The following PCSK5 variants were observed in gnomAD, a reference collection of about 807,000 sequenced individuals.
PCSK5 encodes prohormone convertase 5.
PCSK5 carries 129 observed loss-of-function variants against 233.2 expected under a neutral mutation model. The ratio of observed to expected loss-of-function variants is 0.55; its 90% CI spans 0.48 to 0.64. The LOEUF is 0.64. Among genes scored for constraint, PCSK5 ranks in the 30% least tolerant of loss-of-function variants. The probability of loss-of-function intolerance (pLI) is 0.00; values close to 1 mark genes in which losing one functional copy is unlikely to be tolerated. For synonymous variants in PCSK5, 825 were observed against 879.2 expected, an observed-to-expected ratio of 0.94 and a Z score of 1.09; for missense variants, 2,076 against 2,430.1, an observed-to-expected ratio of 0.85 and a Z score of 3.06.
intron 12 of PCSK5, 94 bp from the exon 13 acceptor site, chr9:76,169,610 C>A: frequency 8.2e-7 from 1 of 1,225,956 alleles, no homozygotes; most frequent in Non-Finnish European, 1.2e-6. Context: ...GCTGAACTTG[C>A]TAATGGATAC....
chr9:76,193,479 T>TCTTTCTCTCTCTCTCAAGTTTGTGCA lies in PCSK5; in HGVS notation c.2626+3734_2626+3759dup, dbSNP rs1218053044. On this transcript the variant is annotated intron_variant, in intron 20 of 37. Coordinates refer to ENST00000674117, the MANE Select transcript of PCSK5 (RefSeq NM_001372043.1). ...TCTCTTTCTTTTCTTGCTCTCTTTT[T>TCTTTCTCTCTCTCTCAAGTTTGTGCA]CTTTCTCTCTCTCTCAAGTTTGTGC... 5.9e-5 allele frequency: 41 copies of TCTTTCTCTCTCTCTCAAGTTTGTGCA among 694,568 alleles called. 1 individual carries two copies. Among genetic ancestry groups the TCTTTCTCTCTCTCTCAAGTTTGTGCA allele is most frequent in the South Asian group, 7.1e-5 (3 of 42,430 alleles). 43.0% of individuals were successfully genotyped at this position (694,568 alleles called of 1,614,324 possible). A position where few individuals can be genotyped will look rare whatever the true frequency, so the allele number is the denominator to read the frequency against.
In PCSK5 at chr9:76,070,032, G is replaced by A. The variant is rs953549254; in HGVS notation, c.722-1694G>A. On this transcript the variant is annotated intron_variant, in intron 6 of 37. Coordinates refer to ENST00000674117, the MANE Select transcript of PCSK5 (RefSeq NM_001372043.1). ...TTTTTTTTTTTTTAGACGGAGTCTC[G>A]CTCTGTCACCCAGGCTGGAGTGCAG... Among the ~76,000 whole-genome samples the A allele has an allele frequency of 1.0e-4, 13 of 128,420 alleles. 1 individual carries two copies. The highest frequency in any genetic ancestry group is 5.7e-3 in the Middle Eastern group (1 of 174). 84.2% of individuals were successfully genotyped at this position (128,420 alleles called of 152,430 possible).
intron 9 of PCSK5, among the ~76,000 whole-genome samples, chr9:76,126,754 G>A (rs536688345): frequency 6.6e-6 from 1 of 152,298 alleles, no homozygotes; most frequent in Admixed American, 6.5e-5. Flanking sequence ...TGGATGTCGA[G>A]TGTGGGATGA....
intron 14 of PCSK5, among the ~76,000 whole-genome samples, chr9:76,178,921 T>G (rs187848630): frequency 1.1e-3 from 174 of 152,320 alleles, no homozygotes; most frequent in Non-Finnish European, 3.7e-4. Context: ...CCAAAGAATA[T>G]GTAGTAAGAG....
chr9:75,919,970 C>T (rs1823175621), intron 1 of PCSK5, among the ~76,000 whole-genome samples: 1 of 152,134 alleles, frequency 6.6e-6, no homozygotes, highest in South Asian at 2.1e-4. Context: ...GAGTTCGAGA[C>T]CAACCTGGCC....
intron 24 of PCSK5, among the ~76,000 whole-genome samples, chr9:76,279,259 T>A (rs2131384661): frequency 6.6e-6 from 1 of 150,874 alleles, no homozygotes; most frequent in Middle Eastern, 3.4e-3. Flanking sequence ...TTTTTATGGC[T>A]GCATAGTATT....
At chr9:76,118,924 G>T (rs1236883910) in intron 9 of PCSK5, among the ~76,000 whole-genome samples, 2 of 151,864 alleles carry the variant, frequency 1.3e-5, no homozygotes, top group Admixed American at 6.6e-5. Flanking sequence ...TCTGCATTTT[G>T]CTTTCCTTTC....
intron 1 of PCSK5, among the ~76,000 whole-genome samples, chr9:75,901,935 G>T (rs1826054618): frequency 6.6e-6 from 1 of 152,134 alleles, no homozygotes; most frequent in South Asian, 2.1e-4. Context: ...GACAAAACAG[G>T]CTGGGCGTGG....
rs548704734 is a variant in PCSK5, at chr9:76,041,565, G to A, written c.632+14528G>A. ...AATGTATGTAAAGAATTTATGGCCA[G>A]GTGCGGTGGCTCACACCTGTAATTC... On this transcript the variant is annotated intron_variant, in intron 5 of 37. Coordinates refer to ENST00000674117, the MANE Select transcript of PCSK5 (RefSeq NM_001372043.1). Among the ~76,000 whole-genome samples, 15 of 152,222 alleles carry A rather than the reference G, an allele frequency of 9.9e-5. No individual in the cohort carries two copies. The South Asian group carries it at 3.1e-3, about 32-fold the overall frequency.
At chr9:76,197,115 C>A (rs774486913) in intron 20 of PCSK5, among the ~76,000 whole-genome samples, 22 of 152,202 alleles carry the variant, frequency 1.4e-4, no homozygotes, top group Non-Finnish European at 3.1e-4. Flanking sequence ...AGTGAACTTG[C>A]TGCATACAAG....
chr9:76,298,353 G>T (rs1291487608), intron 27 of PCSK5, among the ~76,000 whole-genome samples: 1 of 152,028 alleles, frequency 6.6e-6, no homozygotes, highest in Admixed American at 6.6e-5. Context: ...GTGCATTTGG[G>T]GATTTTTCAC....
intron 7 of PCSK5, among the ~76,000 whole-genome samples, chr9:76,077,806 T>C (rs1013446037): frequency 5.3e-5 from 8 of 152,206 alleles, no homozygotes; most frequent in African/African-American, 1.4e-4. Context: ...CAATCCACCA[T>C]TGATTGGGCA....
chr9:76,355,865 G>A lies in PCSK5; in HGVS notation c.5254+1646G>A, dbSNP rs556548556. 2.2e-3 allele frequency among the ~76,000 whole-genome samples: 332 copies of A among 151,886 alleles called. 1 individual carries two copies. Among genetic ancestry groups the A allele is most frequent in the Middle Eastern group, 6.8e-3 (2 of 294 alleles). ...ATTACAGGTGCCCACCACCACACCC[G>A]GCTAATTTTTGTATTTTTAGTACAG... On this transcript the variant is annotated intron_variant, in intron 37 of 37. Coordinates refer to ENST00000674117, the MANE Select transcript of PCSK5 (RefSeq NM_001372043.1).
At chr9:76,236,994 G>A (rs1242973972) in intron 22 of PCSK5, among the ~76,000 whole-genome samples, 2 of 152,190 alleles carry the variant, frequency 1.3e-5, no homozygotes, top group East Asian at 3.9e-4. Context: ...GATGTCTTGT[G>A]AAGGTGCAGG....
In PCSK5 at chr9:76,302,191, G is replaced by A. The variant is rs11144823; in HGVS notation, c.3578G>A (p.Arg1193Gln). 8.5e-5 allele frequency: 115 copies of A among 1,356,036 alleles called. No individual in the cohort carries two copies. In the East Asian group the frequency reaches 3.9e-3, roughly 46 times the overall value. The allele number at this position is 1,356,036 out of a possible 1,614,324, so 84.0% of individuals were successfully genotyped here. The change falls in exon 28 of 38, where the codon CGA becomes CAA. Residue 1193 changes from arginine (R) to glutamine (Q), a missense_variant. Arg to Gln is a conservative substitution (Grantham distance 43). Around this residue, in one of 6 missense-constraint regions of PCSK5, gnomAD observed 1,510 missense variants for 1,538.1 expected, o/e 0.98. Coordinates refer to ENST00000674117, the MANE Select transcript of PCSK5 (RefSeq NM_001372043.1). Reference sequence around the variant, plus strand: ...GTGAAGAGCCTGCTGCAGGAGCGACGAAGGTGGAAAGTTCAAATCAAAAGA... The same window carrying A: ...GTGAAGAGCCTGCTGCAGGAGCGACAAAGGTGGAAAGTTCAAATCAAAAGA... ...SVVKSLLQER[R>Q]RWKVQIKRDI...
intron 20 of PCSK5, chr9:76,209,483 G>A: frequency 3.9e-6 from 2 of 509,686 alleles, no homozygotes; most frequent in Non-Finnish European, 7.8e-6. Context: ...CTGTATCTCA[G>A]ATGCCTGGAA....
At chr9:76,172,904 G>A (rs945056920) in intron 13 of PCSK5, among the ~76,000 whole-genome samples, 4 of 152,144 alleles carry the variant, frequency 2.6e-5, no homozygotes, top group African/African-American at 4.8e-5. Flanking sequence ...TACATAAACC[G>A]ATTGTACTGG....
chr9:76,213,122 A>G (rs1023752604), intron 20 of PCSK5, among the ~76,000 whole-genome samples: 13 of 152,104 alleles, frequency 8.5e-5, no homozygotes, highest in African/African-American at 3.1e-4. Flanking sequence ...TCACCGACCT[A>G]CTCAAAACCA....
At chr9:75,933,748 C>T (rs994310560) in intron 2 of PCSK5, among the ~76,000 whole-genome samples, 2 of 152,136 alleles carry the variant, frequency 1.3e-5, no homozygotes, top group African/African-American at 4.8e-5. Flanking sequence ...ACATTTTTTC[C>T]TTTGTCACTA....
Sources: allele counts gnomAD v4.1 joint callset (sites outside exome capture counted in the v4.1 genomes callset), GRCh38; gene constraint gnomAD v4.1.1; regional missense constraint gnomAD v4.1.1; transcripts MANE v1.5; gene names NCBI Gene and HGNC (gene_info 2026-07-23, HGNC 2026-07-21).